Variants in LCMT1 observed in about 807,000 individuals in gnomAD.
The protein encoded by LCMT1 is leucine carboxyl methyltransferase 1.
LCMT1 carries 32 observed loss-of-function variants against 47.7 expected under a neutral mutation model. The ratio of observed to expected loss-of-function variants is 0.67; its 90% CI spans 0.51 to 0.90. The LOEUF is 0.90. Ranked by LOEUF, LCMT1 falls within the 40% of genes least tolerant of loss-of-function variation. The pLI is 0.00. For missense variants in LCMT1, 375 were observed against 415.2 expected (o/e 0.90, Z 0.84); for synonymous variants, 152 against 149.7 (o/e 1.02, Z -0.11).
At chr16:25,158,006 A>G (rs949804057) in intron 5 of LCMT1, among the ~76,000 whole-genome samples, 3 of 152,266 alleles carry the variant, frequency 2.0e-5, no homozygotes, top group African/African-American at 7.2e-5. Context: ...CATAAAATGA[A>G]ATAAAAATAC....
At chr16:25,126,933 ATT>A (rs1212368182) in intron 1 of LCMT1, among the ~76,000 whole-genome samples, 1 of 152,252 alleles carries the variant, frequency 6.6e-6, no homozygotes, top group Non-Finnish European at 1.5e-5. Flanking sequence ...CTGGGCTACC[ATT>A]CTTGTTTCAA....
At chr16:25,135,047 C>T (rs1000779455) in intron 3 of LCMT1, among the ~76,000 whole-genome samples, 5 of 152,076 alleles carry the variant, frequency 3.3e-5, no homozygotes, top group African/African-American at 9.7e-5. Context: ...TGACTTGTCA[C>T]GCAATTTGTT....
At chr16:25,169,267 A>G (rs1227752437) in intron 8 of LCMT1, 54 bp downstream of exon 8, 4 of 1,172,330 alleles carry the variant, frequency 3.4e-6, no homozygotes, top group South Asian at 1.2e-5. Context: ...ACCAAGATAT[A>G]TAAAGGTCTT....
intron 10 of LCMT1, among the ~76,000 whole-genome samples, chr16:25,176,467 A>G (rs574888254): frequency 6.7e-6 from 1 of 150,062 alleles, no homozygotes; most frequent in African/African-American, 2.4e-5. Flanking sequence ...GTCATTCCAC[A>G]CAGATTTGCC....
intron 5 of LCMT1, among the ~76,000 whole-genome samples, chr16:25,155,894 T>C (rs1048758392): frequency 2.0e-5 from 3 of 152,128 alleles, no homozygotes; most frequent in Non-Finnish European, 2.9e-5. Context: ...GTTGCTCAGG[T>C]TGGTCTCAAA....
Position 25,119,884 on chromosome 16 carries a change from G to A in LCMT1, c.113+7888G>A, listed in dbSNP as rs1204036224. Among the ~76,000 whole-genome samples the A allele has an allele frequency of 1.2e-4, 18 of 152,202 alleles. No homozygotes were observed. In the East Asian group the frequency reaches 3.3e-3, roughly 28 times the overall value. On this transcript the variant is annotated intron_variant, in intron 1 of 10. Coordinates refer to ENST00000399069, the MANE Select transcript of LCMT1 (RefSeq NM_016309.3). ...GCTGTAAAACTTGTCTATCAGGCCA[G>A]GCACGGTGGCTCATGCCTGTAATCC...
At chr16:25,169,355 G>T in intron 8 of LCMT1, 142 bp downstream of exon 8, 1 of 598,976 alleles carries the variant, frequency 1.7e-6, no homozygotes, top group Non-Finnish European at 3.0e-6. Context: ...CATGTGGGCC[G>T]CTAGTTCATG....
chr16:25,165,552 T>C (rs1308012525), intron 7 of LCMT1, among the ~76,000 whole-genome samples: 1 of 151,596 alleles, frequency 6.6e-6, no homozygotes, highest in Admixed American at 6.6e-5. Context: ...AGTTTCACTC[T>C]TATTGCCCAG....
At chr16:25,151,665 C>T (rs1961083820) in intron 5 of LCMT1, 50 bp downstream of exon 5, 1 of 1,459,510 alleles carries the variant, frequency 6.9e-7, no homozygotes, top group Non-Finnish European at 9.5e-7. Context: ...TTTTGCTTCC[C>T]ACCCCCTTTT....
chr16:25,136,825 C>T (rs1236533069), intron 3 of LCMT1, among the ~76,000 whole-genome samples: 1 of 152,082 alleles, frequency 6.6e-6, no homozygotes, highest in Non-Finnish European at 1.5e-5. Context: ...AGATGTGAGC[C>T]ACCGCGCCCC....
intron 3 of LCMT1, among the ~76,000 whole-genome samples, chr16:25,135,283 A>AT (rs1960468942): frequency 7.6e-6 from 1 of 131,228 alleles, no homozygotes; most frequent in Non-Finnish European, 1.7e-5. Context: ...GTTTCTTTTA[A>AT]AATATATATC....
chr16:25,129,246 CT>C (rs1567311060), intron 2 of LCMT1, among the ~76,000 whole-genome samples: 2 of 150,698 alleles, frequency 1.3e-5, no homozygotes, highest in Non-Finnish European at 3.0e-5. Flanking sequence ...ATATATATAC[CT>C]ATGTAACAAA....
chr16:25,155,697 A>T (rs1382334530), intron 5 of LCMT1, among the ~76,000 whole-genome samples: 1 of 143,698 alleles, frequency 7.0e-6, no homozygotes. Flanking sequence ...TTTTTGAGAC[A>T]AGGTCTCACT....
intron 7 of LCMT1, 127 bp from the exon 8 acceptor site, chr16:25,168,985 G>A (rs538994529): frequency 2.2e-5 from 15 of 689,656 alleles, no homozygotes; most frequent in South Asian, 5.0e-5. Flanking sequence ...CCCTCAGTCC[G>A]TTTCCTATGC....
intron 5 of LCMT1, among the ~76,000 whole-genome samples, chr16:25,153,943 A>G (rs1961157142): frequency 6.6e-6 from 1 of 152,086 alleles, no homozygotes; most frequent in African/African-American, 2.4e-5. Flanking sequence ...ACAGCATGAG[A>G]TGAGAGTCTA....
chr16:25,161,094 A>G lies in LCMT1; in HGVS notation c.467-8A>G. On this transcript the variant is annotated splice_polypyrimidine_tract_variant and splice_region_variant and intron_variant, in intron 5 of 10. Coordinates refer to ENST00000399069, the MANE Select transcript of LCMT1 (RefSeq NM_016309.3). The stretch of plus-strand genomic sequence containing the variant: ...CATTAAAATTATAGCCTCTGATTGC[A>G]TTTGCAGATGGACACATACTGGATT... The G allele has an allele frequency of 6.4e-7, 1 of 1,562,332 alleles. No individual in the cohort carries two copies. Among genetic ancestry groups the G allele is most frequent in the South Asian group, 1.1e-5 (1 of 87,174 alleles).
At chr16:25,144,574 C>A (rs919000994) in intron 4 of LCMT1, 3 of 152,228 alleles carry the variant, frequency 2.0e-5, no homozygotes, top group African/African-American at 7.2e-5. Flanking sequence ...TCTGACATAC[C>A]CTTAAAGTAA....
At chr16:25,114,603 C>A (rs987114253) in intron 1 of LCMT1, among the ~76,000 whole-genome samples, 1 of 152,120 alleles carries the variant, frequency 6.6e-6, no homozygotes, top group African/African-American at 2.4e-5. Flanking sequence ...ACCCAACCAT[C>A]CCACCAACCC....
At chr16:25,117,806 C>T (rs1199631047) in intron 1 of LCMT1, among the ~76,000 whole-genome samples, 1 of 150,652 alleles carries the variant, frequency 6.6e-6, no homozygotes, top group African/African-American at 2.4e-5. Context: ...GTACTGGGAT[C>T]GTGCTACTGC....
Sources: gnomAD v4.1 joint callset for allele counts (sites outside exome capture counted in the v4.1 genomes callset) on GRCh38, gnomAD v4.1.1 for gene constraint, MANE v1.5 for transcripts, NCBI Gene and HGNC (gene_info 2026-07-23, HGNC 2026-07-21) for gene names.